The following WWP1 variants were observed in gnomAD, a reference collection of about 807,000 sequenced individuals.
The protein encoded by WWP1 is WW domain containing E3 ubiquitin protein ligase 1.
Under a neutral mutation model 130.6 loss-of-function variants are expected in WWP1, and 49 were observed. The ratio of observed to expected loss-of-function variants is 0.38; its 90% CI spans 0.30 to 0.48. WWP1 has a LOEUF of 0.48. Ranked by LOEUF, WWP1 falls within the 20% of genes least tolerant of loss-of-function variation. The pLI is 0.99. For missense variants in WWP1, 809 were observed against 1,100.6 expected (o/e 0.74, Z 3.75); for synonymous variants, 332 against 367.8 (o/e 0.90, Z 1.11).
intron 1 of WWP1, among the ~76,000 whole-genome samples, chr8:86,352,600 A>G (rs1196886519): frequency 1.3e-5 from 2 of 151,882 alleles, no homozygotes; most frequent in African/African-American, 4.8e-5. Flanking sequence ...CCTGGACTCA[A>G]GTGATCCTCT....
intron 14 of WWP1, among the ~76,000 whole-genome samples, chr8:86,432,003 C>G (rs1222201129): frequency 6.6e-6 from 1 of 152,136 alleles, no homozygotes; most frequent in Non-Finnish European, 1.5e-5. Context: ...CTTCCAATAA[C>G]CCCTTGAGGT....
chr8:86,387,077 T>C (rs1174024612), intron 5 of WWP1: 1 of 152,200 alleles, frequency 6.6e-6, no homozygotes, highest in Non-Finnish European at 1.5e-5. Context: ...GACCCTAATT[T>C]TTAATACTAT....
intron 9 of WWP1, among the ~76,000 whole-genome samples, chr8:86,416,503 C>G (rs1170186901): frequency 6.6e-6 from 1 of 152,058 alleles, no homozygotes; most frequent in Non-Finnish European, 1.5e-5. Flanking sequence ...AAGTTTGAAG[C>G]CAGAAGTTGC....
At position 86,342,652 on chromosome 8, in the gene WWP1, C is replaced by T. The variant is rs1822253766; in HGVS notation, c.-393C>T. 3.7e-6 allele frequency: 1 copy of T among 269,872 alleles called. No individual in the cohort carries two copies. Among genetic ancestry groups the T allele is most frequent in the Non-Finnish European group, 6.7e-6 (1 of 148,630 alleles). 16.7% of individuals were successfully genotyped at this position (269,872 alleles called of 1,614,324 possible). On this transcript the variant is annotated 5_prime_UTR_variant, in exon 1 of 25. In the 5' UTR this introduces an upstream ATG that the reference lacks. Transcript: ENST00000517970. ...GGGCGCGGCGCCGGCGACGCGGCCA[C>T]GCGGCGCGCTCCCGAGGAAGGGAGG...
At chr8:86,456,141 G>A (rs1333584074) in intron 21 of WWP1, among the ~76,000 whole-genome samples, 1 of 151,802 alleles carries the variant, frequency 6.6e-6, no homozygotes. Flanking sequence ...AATTATTCAT[G>A]CTTACAATTA....
At chr8:86,396,541 C>G (rs1417983706) in intron 5 of WWP1, among the ~76,000 whole-genome samples, 1 of 146,136 alleles carries the variant, frequency 6.8e-6, no homozygotes, top group African/African-American at 2.5e-5. Context: ...TCTATAAGGT[C>G]TTCTTTTATC....
chr8:86,434,559 T>C (rs996791896), intron 14 of WWP1, among the ~76,000 whole-genome samples: 3 of 152,194 alleles, frequency 2.0e-5, no homozygotes, highest in African/African-American at 7.2e-5. Context: ...TCACTCCTTA[T>C]ACTTTGTCCT....
At chr8:86,362,130 G>GTA (rs1306939701) in intron 1 of WWP1, among the ~76,000 whole-genome samples, 2 of 70,894 alleles carry the variant, frequency 2.8e-5, no homozygotes, top group East Asian at 3.6e-4. Flanking sequence ...CTAGGCATAT[G>GTA]TATATATATA....
At chr8:86,428,561 C>T (rs1323682242) in intron 11 of WWP1, among the ~76,000 whole-genome samples, 1 of 152,166 alleles carries the variant, frequency 6.6e-6, no homozygotes, top group Non-Finnish European at 1.5e-5. Flanking sequence ...GTAACTTTCT[C>T]CAAAATCCTG....
At chr8:86,388,206 AT>A (rs369344340) in intron 5 of WWP1, among the ~76,000 whole-genome samples, 6,054 of 132,820 alleles carry the variant, frequency 0.046, 180 homozygotes, top group African/African-American at 0.081. Context: ...ACTTACTTTT[AT>A]ATTTCTCTTA....
chr8:86,367,259 G>A (rs2130259765), intron 1 of WWP1, among the ~76,000 whole-genome samples: 1 of 152,180 alleles, frequency 6.6e-6, no homozygotes, highest in Non-Finnish European at 1.5e-5. Flanking sequence ...TTATAAACTA[G>A]GCAGCCAATA....
At chr8:86,459,441 G>A (rs1811641986) in intron 22 of WWP1, among the ~76,000 whole-genome samples, 1 of 152,118 alleles carries the variant, frequency 6.6e-6, no homozygotes, top group African/African-American at 2.4e-5. Context: ...GTATAATATG[G>A]TGCTTTTTGG....
intron 1 of WWP1, among the ~76,000 whole-genome samples, chr8:86,349,852 A>G (rs1245836420): frequency 6.6e-6 from 1 of 151,938 alleles, no homozygotes; most frequent in Non-Finnish European, 1.5e-5. Context: ...GAATTGGAAC[A>G]GACAGCATCC....
intron 5 of WWP1, 121 bp downstream of exon 5, chr8:86,381,750 G>T (rs1824999685): frequency 2.0e-6 from 2 of 989,792 alleles, no homozygotes; most frequent in East Asian, 6.4e-5. Flanking sequence ...GTTATTGCTT[G>T]TGATTGATTA....
intron 8 of WWP1, among the ~76,000 whole-genome samples, chr8:86,406,334 T>C (rs1808278342): frequency 6.6e-6 from 1 of 152,242 alleles, no homozygotes; most frequent in South Asian, 2.1e-4. Flanking sequence ...ACTTTGTTCC[T>C]CTGGTCATAA....
rs181277559 is a variant in WWP1, at chr8:86,396,554, A to G, written c.335-1788A>G. Among the ~76,000 whole-genome samples the G allele has an allele frequency of 7.3e-3, 1,012 of 138,438 alleles. 9 individuals carry two copies. The highest frequency in any genetic ancestry group is 0.026 in the African/African-American group (971 of 37,018). The allele number at this position is 138,438 out of a possible 152,430, so 90.8% of individuals were successfully genotyped here. A position where few individuals can be genotyped will look rare whatever the true frequency, so the allele number is the denominator to read the frequency against. On this transcript the variant is annotated intron_variant, in intron 5 of 24. Coordinates refer to ENST00000517970, the MANE Select transcript of WWP1 (RefSeq NM_007013.4). ...ATTCTATAAGGTCTTCTTTTATCAC[A>G]TGGTTTAAACATTTTTTTTTTTTTT...
intron 24 of WWP1, among the ~76,000 whole-genome samples, chr8:86,463,789 G>A (rs10096815): frequency 0.99 from 151,145 of 152,250 alleles, 75,036 homozygotes; most frequent in Middle Eastern, 1. Flanking sequence ...GGCCAGGCAC[G>A]GTGGCTCACA....
chr8:86,393,953 C>G (rs916191674), intron 5 of WWP1, among the ~76,000 whole-genome samples: 6 of 152,208 alleles, frequency 3.9e-5, no homozygotes, highest in Admixed American at 6.5e-5. Flanking sequence ...CATGGGAAAT[C>G]AGCAACCATT....
chr8:86,447,728 G>A (rs1049676438), intron 18 of WWP1, among the ~76,000 whole-genome samples: 1 of 152,112 alleles, frequency 6.6e-6, no homozygotes, highest in Non-Finnish European at 1.5e-5. Context: ...TTGTGAATAG[G>A]AGCGAAGGCA....
Sources: allele counts gnomAD v4.1 joint callset (sites outside exome capture counted in the v4.1 genomes callset), GRCh38; gene constraint gnomAD v4.1.1; transcripts MANE v1.5; gene names NCBI Gene and HGNC (gene_info 2026-07-23, HGNC 2026-07-21).